Variants in RANBP3 observed in about 807,000 individuals in gnomAD.
RANBP3 encodes the protein ran-binding protein 3.
Under a neutral mutation model 77.3 loss-of-function variants are expected in RANBP3, and 14 were observed. The observed-to-expected ratio is 0.18, with a 90% CI of 0.12 to 0.28. The LOEUF is 0.28. Ranked by LOEUF, RANBP3 falls within the 10% of genes least tolerant of loss-of-function variation. The pLI is 1.00. For missense variants in RANBP3, 586 were observed against 752.3 expected (o/e 0.78, Z 2.59); for synonymous variants, 315 against 312.4 (o/e 1.01, Z -0.09).
intron 1 of RANBP3, chr19:5,965,681 G>T (rs999283553): frequency 2.6e-5 from 4 of 152,218 alleles, no homozygotes; most frequent in African/African-American, 9.7e-5. Flanking sequence ...AGGGGAGAAA[G>T]GTGAGTTTCC....
At chr19:5,946,608 G>A (rs1246810398) in intron 3 of RANBP3, among the ~76,000 whole-genome samples, 1 of 152,156 alleles carries the variant, frequency 6.6e-6, no homozygotes, top group Non-Finnish European at 1.5e-5. Flanking sequence ...CCTGTGGACA[G>A]AGCTCTTCTA....
chr19:5,931,518 G>A lies in RANBP3; in HGVS notation c.579C>T (p.Gly193=), dbSNP rs1400175121. Reference sequence around the variant, plus strand: ...CTGCTGGGAGGCTGACCCCGTTGGTGCCACTGCTGGGGACTGTGGGAGGGA... The same window carrying A: ...CTGCTGGGAGGCTGACCCCGTTGGTACCACTGCTGGGGACTGTGGGAGGGA... The part of the protein sequence containing the change: ...KALSQTVPSS[G]TNGVSLPADC... The change falls in exon 8 of 17, where the codon GGC becomes GGT. Residue 193 remains glycine, a synonymous_variant. Coordinates refer to ENST00000340578, the MANE Select transcript of RANBP3 (RefSeq NM_007322.3). 1.9e-6 allele frequency: 3 copies of A among 1,610,542 alleles called. No homozygotes were observed. Among genetic ancestry groups the A allele is most frequent in the Non-Finnish European group, 2.5e-6 (3 of 1,177,876 alleles).
chr19:5,925,606 G>C, intron 10 of RANBP3, 28 bp downstream of exon 10: 1 of 1,601,556 alleles, frequency 6.2e-7, no homozygotes, highest in South Asian at 1.1e-5. Flanking sequence ...CGCCATGCCA[G>C]GCTGGCCGCT....
At chr19:5,961,494 A>G (rs1599785844) in intron 1 of RANBP3, among the ~76,000 whole-genome samples, 1 of 152,090 alleles carries the variant, frequency 6.6e-6, no homozygotes. Flanking sequence ...GCATTTTGGG[A>G]GGCCGAGGCG....
chr19:5,938,900 A>G (rs982094571), intron 5 of RANBP3, among the ~76,000 whole-genome samples: 1 of 151,594 alleles, frequency 6.6e-6, no homozygotes, highest in African/African-American at 2.4e-5. Context: ...AAAAACAATT[A>G]TGGGCCAGGT....
At chr19:5,935,637 C>G (rs762828225) in intron 5 of RANBP3, 49 of 449,230 alleles carry the variant, frequency 1.1e-4, no homozygotes, top group South Asian at 6.8e-4. Flanking sequence ...GGGGCTGGCC[C>G]GAGCTGCCAA....
In RANBP3 at chr19:5,956,543, A is replaced by T. The variant is rs79007739; in HGVS notation, c.78+1375T>A. ...GGATTGCTTCTTCAGCAAAAAAAGTAACAATGGGAAAGTTTCATGAGTTAA... is the reference window on the plus strand; with the variant it reads ...GGATTGCTTCTTCAGCAAAAAAAGTTACAATGGGAAAGTTTCATGAGTTAA... On this transcript the variant is annotated intron_variant, in intron 2 of 16. Transcript: ENST00000340578. 3.3e-5 allele frequency among the ~76,000 whole-genome samples: 5 copies of T among 152,340 alleles called. No individual in the cohort carries two copies. In the East Asian group the frequency reaches 9.6e-4, roughly 29 times the overall value.
In RANBP3 at chr19:5,935,509, T is replaced by C. The variant is rs937751569; in HGVS notation, c.407-2030A>G. ...TAAAAGGTCAAATTCACAATTTAGATAGTTTTTAGCAAGCTCTTCAAGCTG... is the reference window on the plus strand; with the variant it reads ...TAAAAGGTCAAATTCACAATTTAGACAGTTTTTAGCAAGCTCTTCAAGCTG... On this transcript the variant is annotated intron_variant, in intron 5 of 16. Coordinates refer to ENST00000340578, the MANE Select transcript of RANBP3 (RefSeq NM_007322.3). 2.6e-5 allele frequency among the ~76,000 whole-genome samples: 4 copies of C among 152,264 alleles called. No homozygotes were observed. In the East Asian group the frequency reaches 7.7e-4, roughly 29 times the overall value.
Position 5,941,687 on chromosome 19 carries a change from T to A in RANBP3, c.340A>T (p.Asn114Tyr). The change falls in exon 5 of 17, where the codon AAT becomes TAT. Residue 114 changes from asparagine to tyrosine, a missense_variant. Transcript: ENST00000340578. ...GGEDSDREDGNYCPPVKRERT... is the reference protein window; with the variant it reads ...GGEDSDREDGYYCPPVKRERT... ...TCTCGCTTGACAGGAGGGCAGTAAT[T>A]TCCATCTTCTCTGTCAGAATCTACA... 6.2e-7 allele frequency: 1 copy of A among 1,613,846 alleles called. No homozygotes were observed. Among genetic ancestry groups the A allele is most frequent in the Non-Finnish European group, 8.5e-7 (1 of 1,179,920 alleles).
intron 3 of RANBP3, among the ~76,000 whole-genome samples, chr19:5,950,196 G>A (rs1035761320): frequency 3.9e-5 from 6 of 152,178 alleles, no homozygotes; most frequent in Non-Finnish European, 5.9e-5. Context: ...CGGCAGTCAC[G>A]TGCGCTCATG....
chr19:5,946,300 T>C (rs1359319379), intron 3 of RANBP3, among the ~76,000 whole-genome samples: 2 of 152,202 alleles, frequency 1.3e-5, no homozygotes, highest in Non-Finnish European at 2.9e-5. Context: ...GAGGACTTGC[T>C]GCGTGGGTGG....
intron 5 of RANBP3, among the ~76,000 whole-genome samples, chr19:5,940,142 A>C (rs1464301421): frequency 6.6e-6 from 1 of 152,172 alleles, no homozygotes; most frequent in African/African-American, 2.4e-5. Context: ...TACCCTGGAG[A>C]GCTGAGTGTC....
chr19:5,916,194 T>A lies in RANBP3; in HGVS notation c.*1416A>T, dbSNP rs540668079. On this transcript the variant is annotated 3_prime_UTR_variant, in exon 17 of 17. Coordinates refer to ENST00000340578, the MANE Select transcript of RANBP3 (RefSeq NM_007322.3). ...ATACATTTCATATGACAATCTTACA[T>A]AAATGTTCCAAAACACATGGGCGTT... 3 of 152,290 alleles carry A rather than the reference T, an allele frequency of 2.0e-5. No individual in the cohort carries two copies. The highest frequency in any genetic ancestry group is 7.2e-5 in the African/African-American group (3 of 41,552). The allele number at this position is 152,290 out of a possible 1,614,324, so 9.4% of individuals were successfully genotyped here.
intron 3 of RANBP3, among the ~76,000 whole-genome samples, chr19:5,945,138 T>C (rs2058187936): frequency 6.6e-6 from 1 of 152,216 alleles, no homozygotes. Context: ...GAACTGGACC[T>C]CACAGTAGAA....
chr19:5,932,066 G>C (rs2057999921), intron 7 of RANBP3, among the ~76,000 whole-genome samples: 1 of 151,506 alleles, frequency 6.6e-6, no homozygotes, highest in African/African-American at 2.4e-5. Context: ...TAAATAAAAT[G>C]ACCTTTCAAG....
chr19:5,961,549 A>G (rs532083877), intron 1 of RANBP3, among the ~76,000 whole-genome samples: 1 of 152,262 alleles, frequency 6.6e-6, no homozygotes, highest in East Asian at 1.9e-4. Context: ...CCTGATCAAC[A>G]TGGAGAAACC....
chr19:5,966,020 A>G (rs1012382647), intron 1 of RANBP3: 5 of 152,222 alleles, frequency 3.3e-5, no homozygotes, highest in African/African-American at 7.2e-5. Context: ...GCCCCGGCCC[A>G]TGCTCCTGAG....
chr19:5,922,476 C>A (rs1452449573), intron 13 of RANBP3, among the ~76,000 whole-genome samples: 1 of 152,194 alleles, frequency 6.6e-6, no homozygotes, highest in Non-Finnish European at 1.5e-5. Context: ...GCCTGAGGAG[C>A]AGGAATGGGG....
rs768319552 is a variant in RANBP3 at position 5,918,562 on chromosome 19, G to A, written c.1407C>T (p.Ser469=). The A allele has an allele frequency of 2.2e-5, 35 of 1,613,360 alleles. No individual in the cohort carries two copies. The highest frequency in any genetic ancestry group is 3.3e-4 in the Middle Eastern group (2 of 6,076). The change falls in exon 15 of 17, where the codon AGC becomes AGT. Residue 469 remains serine, a synonymous_variant. Coordinates refer to ENST00000340578, the MANE Select transcript of RANBP3 (RefSeq NM_007322.3). ...LWAQMQIDKA[S]EKSIRITAMD... ...TGGCTGTGATGCGAATGCTCTTCTC[G>A]CTGGCCTTGTCGATCTGCATCTGGG...
Sources: allele counts gnomAD v4.1 joint callset (sites outside exome capture counted in the v4.1 genomes callset), GRCh38; gene constraint gnomAD v4.1.1; transcripts MANE v1.5; gene names NCBI Gene and HGNC (gene_info 2026-07-23, HGNC 2026-07-21).